UGT3A2: variants seen among roughly 807,000 people sequenced by gnomAD.
The protein encoded by UGT3A2 is UDP-glycosyltransferase 3A2.
Under a neutral mutation model 39.8 loss-of-function variants are expected in UGT3A2, and 32 were observed. The observed-to-expected ratio is 0.80, with a 90% confidence interval of 0.61 to 1.08. The LOEUF (loss-of-function observed/expected upper bound fraction) is 1.08. UGT3A2 is among the 50% of genes least tolerant of loss of function. UGT3A2 has a pLI of 0.00. For synonymous variants in UGT3A2, 241 were observed against 230.7 expected, an observed-to-expected ratio of 1.04 and a Z score of -0.40; for missense variants, 611 against 637.1, an observed-to-expected ratio of 0.96 and a Z score of 0.44.
In UGT3A2 at chr5:36,038,009, T is replaced by C; in HGVS notation, c.1083A>G (p.Pro361=). 1 of 1,591,946 alleles carries C rather than the reference T, an allele frequency of 6.3e-7. No individual in the cohort carries two copies. Among genetic ancestry groups the C allele is most frequent in the South Asian group, 1.2e-5 (1 of 86,418 alleles). ...WLPQSDLLAH[P]SIRLFVTHGG... ...CGTGGGTGACAAACAGACGGATGCTTGGGTGAGCTGTTGTAAATAAGAAAG... is the reference window on the plus strand; with the variant it reads ...CGTGGGTGACAAACAGACGGATGCTCGGGTGAGCTGTTGTAAATAAGAAAG... The change falls in exon 6 of 7, where the codon CCA becomes CCG. Residue 361 remains proline (P), a synonymous_variant. Transcript: ENST00000282507.
chr5:36,039,354 G>T, intron 5 of UGT3A2, 123 bp downstream of exon 5: 1 of 910,742 alleles, frequency 1.1e-6, no homozygotes, highest in Non-Finnish European at 1.7e-6. Flanking sequence ...CTACTTTTCT[G>T]CCCACTGAGC....
chr5:36,053,399 C>T (rs1742409531), intron 2 of UGT3A2, among the ~76,000 whole-genome samples: 2 of 152,266 alleles, frequency 1.3e-5, no homozygotes, highest in South Asian at 4.1e-4. Flanking sequence ...ACTTTAAAGA[C>T]AACATATTCC....
intron 4 of UGT3A2, among the ~76,000 whole-genome samples, chr5:36,045,023 C>T (rs1742123476): frequency 6.6e-6 from 1 of 151,974 alleles, no homozygotes; most frequent in Non-Finnish European, 1.5e-5. Context: ...CCAGAATAGC[C>T]AAAGCCATCC....
intron 2 of UGT3A2, among the ~76,000 whole-genome samples, chr5:36,053,568 G>C (rs1742416331): frequency 6.6e-6 from 1 of 152,114 alleles, no homozygotes; most frequent in Non-Finnish European, 1.5e-5. Context: ...CACTGTAAAG[G>C]CTTTAGCATC....
rs1741775774 is a variant in UGT3A2 at position 36,035,137 on chromosome 5, C to T, written c.*561G>A. 1 of 156,058 alleles carries T rather than the reference C, an allele frequency of 6.4e-6. No individual in the cohort carries two copies. The highest frequency in any genetic ancestry group is 2.4e-5 in the African/African-American group (1 of 41,466). 9.7% of individuals were successfully genotyped at this position (156,058 alleles called of 1,614,324 possible). A position where few individuals can be genotyped will look rare whatever the true frequency, so the allele number is the denominator to read the frequency against. ...CACTGTGGGCACCAGAGACAGGGAC[C>T]CAATGTGGAGACCTGTGAGCCTGTG... On this transcript the variant is annotated 3_prime_UTR_variant, in exon 7 of 7. Coordinates refer to ENST00000282507, the MANE Select transcript of UGT3A2 (RefSeq NM_174914.4).
Position 36,066,781 on chromosome 5 carries a change from C to G in UGT3A2, c.9G>C (p.Gly3=). Residue 3 remains glycine, a synonymous_variant, in exon 1 of 7, where the codon GGG becomes GGC. Coordinates refer to ENST00000282507, the MANE Select transcript of UGT3A2 (RefSeq NM_174914.4). The part of the protein sequence containing the change: MA[G]QRVLLLVGFL... ...AGCCCACTAGAAGAAGCACTCGCTG[C>G]CCAGCCATGCTCACTTCTACGGAAG... 1 of 1,614,232 alleles carries G rather than the reference C, an allele frequency of 6.2e-7. No individual in the cohort carries two copies. Among genetic ancestry groups the G allele is most frequent in the Non-Finnish European group, 8.5e-7 (1 of 1,180,022 alleles).
At chr5:36,057,562 G>T (rs1742554378) in intron 2 of UGT3A2, among the ~76,000 whole-genome samples, 1 of 149,204 alleles carries the variant, frequency 6.7e-6, no homozygotes, top group African/African-American at 2.5e-5. Context: ...CTCAGACTGG[G>T]TCTCACTTTA....
At chr5:36,036,847 A>ATTC (rs2111684172) in intron 6 of UGT3A2, among the ~76,000 whole-genome samples, 1 of 152,268 alleles carries the variant, frequency 6.6e-6, no homozygotes, top group East Asian at 1.9e-4. Context: ...AAACTCTAAT[A>ATTC]AATTATTCAG....
intron 1 of UGT3A2, 135 bp downstream of exon 1, chr5:36,066,561 C>T: frequency 1.3e-6 from 2 of 1,516,394 alleles, no homozygotes; most frequent in Non-Finnish European, 1.8e-6. Flanking sequence ...TGGGCTTCTC[C>T]CTCCTCCAGC....
chr5:36,050,346 G>A (rs1561493627), intron 3 of UGT3A2, among the ~76,000 whole-genome samples: 1 of 152,128 alleles, frequency 6.6e-6, no homozygotes, highest in Non-Finnish European at 1.5e-5. Flanking sequence ...AGATGAGGAT[G>A]CCTAGGCCAG....
In UGT3A2 at chr5:36,053,785, G is replaced by T. The variant is rs554575419; in HGVS notation, c.197-1801C>A. On this transcript the variant is annotated intron_variant, in intron 2 of 6. Transcript: ENST00000282507. ...AGCTGCATTTCTTCTGGAGGCTCTGGGGAACGATCCATTTTCTTGCCTTTT... is the reference window on the plus strand; with the variant it reads ...AGCTGCATTTCTTCTGGAGGCTCTGTGGAACGATCCATTTTCTTGCCTTTT... Among the ~76,000 whole-genome samples the T allele has an allele frequency of 2.0e-5, 3 of 152,262 alleles. No homozygotes were observed. The East Asian group carries it at 5.8e-4, about 29-fold the overall frequency.
intron 2 of UGT3A2, among the ~76,000 whole-genome samples, chr5:36,061,980 C>T (rs1273040010): frequency 6.6e-6 from 1 of 151,270 alleles, no homozygotes; most frequent in African/African-American, 2.5e-5. Context: ...ATTTGCATTT[C>T]TCTGATGGCC....
intron 5 of UGT3A2, 51 bp downstream of exon 5, chr5:36,039,426 C>A: frequency 6.5e-7 from 1 of 1,547,744 alleles, no homozygotes; most frequent in South Asian, 1.1e-5. Context: ...CCGTGATGAG[C>A]CCCAAAGACA....
chr5:36,065,274 T>G (rs1742844341), intron 1 of UGT3A2, among the ~76,000 whole-genome samples: 1 of 152,142 alleles, frequency 6.6e-6, no homozygotes, highest in African/African-American at 2.4e-5. Flanking sequence ...TGTTCAGCTC[T>G]CTGAATGACT....
chr5:36,040,304 G>C (rs1741966371), intron 4 of UGT3A2, among the ~76,000 whole-genome samples: 1 of 152,146 alleles, frequency 6.6e-6, no homozygotes, highest in Admixed American at 6.5e-5. Flanking sequence ...CAATGCCATA[G>C]GGAGGTGGAG....
At chr5:36,059,396 T>C (rs1202370705) in intron 2 of UGT3A2, among the ~76,000 whole-genome samples, 1 of 146,266 alleles carries the variant, frequency 6.8e-6, no homozygotes, top group Non-Finnish European at 1.5e-5. Context: ...TTGGTACATA[T>C]CATCTTTTTG....
At position 36,035,868 on chromosome 5, in the gene UGT3A2, C is replaced by T. The variant is rs200458466; in HGVS notation, c.1402G>A (p.Ala468Thr). The T allele has an allele frequency of 3.9e-5, 63 of 1,614,176 alleles. No individual in the cohort carries two copies. The highest frequency in any genetic ancestry group is 1.7e-4 in the Admixed American group (10 of 60,026). Residue 468 changes from alanine (A) to threonine (T), a missense_variant, in exon 7 of 7, where the codon GCG (alanine) becomes ACG (threonine). Transcript: ENST00000282507. ...WIDHVLQTGG[A>T]THLKPYVFQQ... ...AAGACATAGGGCTTGAGGTGCGTCG[C>T]GCCCCCTGTCTGGAGGACGTGGTCA...
intron 4 of UGT3A2, among the ~76,000 whole-genome samples, chr5:36,048,422 G>C (rs909391627): frequency 6.6e-6 from 1 of 152,276 alleles, no homozygotes. Context: ...GGGAACCCTG[G>C]AGATAACACC....
At chr5:36,039,786 G>T in intron 4 of UGT3A2, 78 bp from the exon 5 acceptor site, 1 of 1,206,748 alleles carries the variant, frequency 8.3e-7, no homozygotes, top group Non-Finnish European at 1.2e-6. Context: ...GAAAGCCAGA[G>T]TATTTACTAA....
Sources: gnomAD v4.1 joint callset for allele counts (sites outside exome capture counted in the v4.1 genomes callset) on GRCh38, gnomAD v4.1.1 for gene constraint, MANE v1.5 for transcripts, NCBI Gene and HGNC (gene_info 2026-07-23, HGNC 2026-07-21) for gene names.